GAREM1: variants seen among roughly 807,000 people sequenced by gnomAD.
GAREM1 encodes GRB2 associated regulator of MAPK1 subtype 1, also known as GRB2-associated and regulator of MAPK protein 1.
A neutral mutation model predicts 71.3 loss-of-function variants in GAREM1; 26 were observed. That is an observed-to-expected ratio of 0.36 (90% CI 0.27 to 0.51). The LOEUF (loss-of-function observed/expected upper bound fraction) is 0.51. Ranked by LOEUF, GAREM1 falls within the 20% of genes least tolerant of loss-of-function variation. The pLI is 0.95. For synonymous variants in GAREM1, 440 were observed against 433.2 expected, an observed-to-expected ratio of 1.02 and a Z score of -0.20; for missense variants, 1,026 against 1,103.1, an observed-to-expected ratio of 0.93 and a Z score of 0.99.
chr18:32,266,518 A>T lies in GAREM1; in HGVS notation c.*1353T>A, dbSNP rs2144405068. The T allele has an allele frequency of 6.6e-6, 1 of 152,354 alleles. No homozygotes were observed. The highest frequency in any genetic ancestry group is 1.5e-5 in the Non-Finnish European group (1 of 68,030). 9.4% of individuals were successfully genotyped at this position (152,354 alleles called of 1,614,324 possible). The stretch of plus-strand genomic sequence containing the variant: ...TCTTAAGATGTATATTCTCTAAAAA[A>T]GTCAAGAATAATGACGCCATTATAT... On this transcript the variant is annotated 3_prime_UTR_variant, in exon 6 of 6. Coordinates refer to ENST00000269209, the MANE Select transcript of GAREM1 (RefSeq NM_001242409.2).
At chr18:32,424,504 G>A (rs2048554468) in intron 1 of GAREM1, among the ~76,000 whole-genome samples, 2 of 152,152 alleles carry the variant, frequency 1.3e-5, no homozygotes, top group African/African-American at 2.4e-5. Flanking sequence ...TTGCAAATCA[G>A]TATTGCATGT....
At chr18:32,369,323 G>A (rs1272843490) in intron 2 of GAREM1, among the ~76,000 whole-genome samples, 2 of 152,218 alleles carry the variant, frequency 1.3e-5, no homozygotes, top group East Asian at 1.9e-4. Flanking sequence ...TTAGGAATTA[G>A]TCAGAGAGTA....
intron 2 of GAREM1, among the ~76,000 whole-genome samples, chr18:32,348,853 T>C (rs1239875370): frequency 2.0e-5 from 3 of 152,208 alleles, no homozygotes; most frequent in South Asian, 2.1e-4. Context: ...TGTACTGATA[T>C]TTTGTTTCTT....
chr18:32,469,595 G>C (rs1400857551), intron 1 of GAREM1, among the ~76,000 whole-genome samples: 1 of 152,196 alleles, frequency 6.6e-6, no homozygotes, highest in Non-Finnish European at 1.5e-5. Flanking sequence ...GGAGTTGGGT[G>C]GGTTTCTGGT....
intron 1 of GAREM1, among the ~76,000 whole-genome samples, chr18:32,403,186 G>C (rs1022897374): frequency 6.6e-6 from 1 of 152,136 alleles, no homozygotes; most frequent in Non-Finnish European, 1.5e-5. Context: ...GGGATTACAG[G>C]AGTGAGCCAC....
In GAREM1 at chr18:32,268,514, C is replaced by T. The variant is rs761542659; in HGVS notation, c.1988G>A (p.Arg663Lys). ...PRQKTPGTPK[R>K]NCPAPFDFDG... ...AAAATCAAAAGGTGCTGGGCAGTTT[C>T]TCTTTGGTGTGCCTGGCGTCTTTTG... is the stretch of plus-strand genomic sequence containing the variant. The change falls in exon 6 of 6, where the codon AGA becomes AAA. Residue 663 changes from arginine to lysine, a missense_variant. Physicochemically the swap from Arg to Lys is conservative, Grantham distance 26. This residue lies in a region of GAREM1 where 636 missense variants were observed against 631.2 expected (regional missense o/e 1.01). Transcript: ENST00000269209. The T allele has an allele frequency of 1.9e-6, 3 of 1,614,052 alleles. No individual in the cohort carries two copies. The highest frequency in any genetic ancestry group is 2.5e-6 in the Non-Finnish European group (3 of 1,180,034).
intron 4 of GAREM1, among the ~76,000 whole-genome samples, chr18:32,286,632 A>G (rs1044277232): frequency 6.6e-6 from 1 of 152,148 alleles, no homozygotes; most frequent in African/African-American, 2.4e-5. Context: ...GGGTTTACCT[A>G]TGAAACAGTC....
At chr18:32,273,157 A>G (rs970419333) in intron 4 of GAREM1, among the ~76,000 whole-genome samples, 1 of 152,220 alleles carries the variant, frequency 6.6e-6, no homozygotes, top group African/African-American at 2.4e-5. Flanking sequence ...TTTTAAAATA[A>G]ATACTTAGCT....
Position 32,267,657 on chromosome 18 carries a change from C to A in GAREM1, c.*214G>T. 2.0e-6 allele frequency: 1 copy of A among 490,420 alleles called. No homozygotes were observed. Among genetic ancestry groups the A allele is most frequent in the Non-Finnish European group, 3.6e-6 (1 of 280,214 alleles). The allele number at this position is 490,420 out of a possible 1,614,324, so 30.4% of individuals were successfully genotyped here. A position where few individuals can be genotyped will look rare whatever the true frequency, so the allele number is the denominator to read the frequency against. On this transcript the variant is annotated 3_prime_UTR_variant, in exon 6 of 6. Transcript: ENST00000269209. ...TGCTGAGTGTTTGTTGAGTGACGTA[C>A]AAGGCACACCTCCAAGTGTTCTGTA...
intron 1 of GAREM1, among the ~76,000 whole-genome samples, chr18:32,458,531 T>A (rs964042909): frequency 1.3e-5 from 2 of 152,010 alleles, no homozygotes; most frequent in African/African-American, 4.8e-5. Context: ...CATTGACTGC[T>A]GAAGACAAAT....
intron 1 of GAREM1, among the ~76,000 whole-genome samples, chr18:32,418,349 T>C (rs971113031): frequency 6.6e-6 from 1 of 152,126 alleles, no homozygotes; most frequent in East Asian, 1.9e-4. Context: ...CGGCTCCTGG[T>C]TGCTGTGTAC....
At chr18:32,440,296 A>C (rs2048722109) in intron 1 of GAREM1, among the ~76,000 whole-genome samples, 1 of 152,212 alleles carries the variant, frequency 6.6e-6, no homozygotes, top group Admixed American at 6.5e-5. Context: ...CACGGCTTCT[A>C]CATGACTCTA....
At chr18:32,371,677 C>T (rs897513847) in intron 2 of GAREM1, among the ~76,000 whole-genome samples, 9 of 151,898 alleles carry the variant, frequency 5.9e-5, no homozygotes, top group Non-Finnish European at 1.0e-4. Context: ...AGACATATCC[C>T]AGGAGGGAAA....
At chr18:32,383,820 GT>G (rs200321737) in intron 2 of GAREM1, among the ~76,000 whole-genome samples, 447 of 151,326 alleles carry the variant, frequency 3.0e-3, no homozygotes, top group Non-Finnish European at 3.5e-3. Context: ...ATTTTTGTGG[GT>G]TTTTTTTTAA....
chr18:32,383,676 T>A (rs897656060), intron 2 of GAREM1, among the ~76,000 whole-genome samples: 1 of 152,182 alleles, frequency 6.6e-6, no homozygotes, highest in Non-Finnish European at 1.5e-5. Context: ...TATTATCTCA[T>A]AGGTTAAATT....
chr18:32,277,515 C>A (rs1470544850), intron 4 of GAREM1, among the ~76,000 whole-genome samples: 3 of 152,194 alleles, frequency 2.0e-5, no homozygotes, highest in Non-Finnish European at 4.4e-5. Flanking sequence ...ACTAATAGAA[C>A]AAATGCTTTG....
chr18:32,279,620 A>C (rs1237333569), intron 4 of GAREM1, among the ~76,000 whole-genome samples: 1 of 152,194 alleles, frequency 6.6e-6, no homozygotes, highest in East Asian at 1.9e-4. Context: ...GAGTTGTATA[A>C]TTATTTCATT....
intron 1 of GAREM1, among the ~76,000 whole-genome samples, chr18:32,408,517 C>G (rs981702430): frequency 6.6e-6 from 1 of 152,108 alleles, no homozygotes; most frequent in African/African-American, 2.4e-5. Context: ...CTAGAATTTA[C>G]CATCAGCAGG....
chr18:32,458,593 C>G (rs1456041394), intron 1 of GAREM1, among the ~76,000 whole-genome samples: 1 of 151,426 alleles, frequency 6.6e-6, no homozygotes, highest in East Asian at 1.9e-4. Context: ...TTATAAACAT[C>G]CCATAAAAAA....
Sources: allele counts gnomAD v4.1 joint callset (sites outside exome capture counted in the v4.1 genomes callset), GRCh38; gene constraint gnomAD v4.1.1; regional missense constraint gnomAD v4.1.1; transcripts MANE v1.5; gene names NCBI Gene and HGNC (gene_info 2026-07-23, HGNC 2026-07-21).